The following TMEM233 variants were observed in gnomAD, a reference collection of about 807,000 sequenced individuals.
TMEM233 encodes the protein dispanin subfamily B member 2.
In TMEM233, 6 loss-of-function variants were observed where a neutral mutation model predicts 11.2. The ratio of observed to expected loss-of-function variants is 0.54; its 90% CI spans 0.29 to 1.06. The LOEUF (loss-of-function observed/expected upper bound fraction) is 1.06. TMEM233 is among the 50% of genes least tolerant of loss of function. The pLI is 0.08. For synonymous variants in TMEM233, 59 were observed against 55.8 expected, an observed-to-expected ratio of 1.06 and a Z score of -0.26; for missense variants, 127 against 144.7, an observed-to-expected ratio of 0.88 and a Z score of 0.63.
chr12:119,653,071 A>G, the TMEM233 span, among the ~76,000 whole-genome samples: 1 of 152,208 alleles, frequency 6.6e-6, no homozygotes, highest in African/African-American at 2.4e-5. Flanking sequence ...AGCCTCTGCT[A>G]TATTATCCAC....
rs573904188 is a variant in TMEM233 at position 119,630,855 on chromosome 12, A to G, written c.323+983A>G. On this transcript the variant is annotated intron_variant, in intron 2 of 2. Coordinates refer to ENST00000426426, the MANE Select transcript of TMEM233 (RefSeq NM_001136534.3). ...ATCTGCTAAATAAACTCCTACTTGC[A>G]TCAAACTAGCATAACTGTTTTAGTT... Among the ~76,000 whole-genome samples the G allele has an allele frequency of 6.6e-5, 10 of 152,364 alleles. No homozygotes were observed. The South Asian group carries it at 1.4e-3, about 22-fold the overall frequency.
intron 2 of TMEM233, among the ~76,000 whole-genome samples, chr12:119,635,799 A>G (rs1789255912): frequency 6.6e-6 from 1 of 152,212 alleles, no homozygotes; most frequent in Non-Finnish European, 1.5e-5. Context: ...AGTGGCTCAC[A>G]GAACTCAAGG....
At chr12:119,628,492 C>CTTTTT (rs60789807) in intron 1 of TMEM233, among the ~76,000 whole-genome samples, 2 of 52,444 alleles carry the variant, frequency 3.8e-5, no homozygotes, top group African/African-American at 1.7e-4. Context: ...CCAGCTCACT[C>CTTTTT]TTTTTTTTTT....
At chr12:119,597,478 AAAG>A (rs2136667596) in intron 1 of TMEM233, among the ~76,000 whole-genome samples, 1 of 152,226 alleles carries the variant, frequency 6.6e-6, no homozygotes, top group Admixed American at 6.5e-5. Flanking sequence ...GTAAAAAAAA[AAAG>A]AGCCAACAAT....
chr12:119,620,590 C>A (rs1316059128), intron 1 of TMEM233, among the ~76,000 whole-genome samples: 3 of 152,166 alleles, frequency 2.0e-5, no homozygotes, highest in Admixed American at 6.5e-5. Flanking sequence ...GAACCATACT[C>A]ACAATGTTTA....
intron 2 of TMEM233, among the ~76,000 whole-genome samples, chr12:119,630,742 C>T (rs896717789): frequency 6.6e-6 from 1 of 152,194 alleles, no homozygotes; most frequent in Admixed American, 6.5e-5. Flanking sequence ...AAATCAGTCA[C>T]GTAATCCCAC....
rs1023962604 is a variant in TMEM233 at position 119,593,801 on chromosome 12, A to G, written c.-48A>G. The G allele has an allele frequency of 6.5e-6, 10 of 1,537,450 alleles. No homozygotes were observed. The Admixed American group carries it at 1.6e-4, about 24-fold the overall frequency. On this transcript the variant is annotated 5_prime_UTR_variant, in exon 1 of 3. Coordinates refer to ENST00000426426, the MANE Select transcript of TMEM233 (RefSeq NM_001136534.3). This position sits in a 1 kb window ranked among gnomAD's most constrained non-coding sequence, Gnocchi z 4.1. ...AAGCCGGCGGCCAGAGCCCCAGACCACACAGACCGTGCGCTCCTCCGCCCT... is the reference window on the plus strand; with the variant it reads ...AAGCCGGCGGCCAGAGCCCCAGACCGCACAGACCGTGCGCTCCTCCGCCCT...
rs542053216 is a variant in TMEM233, at chr12:119,640,594, A to C, written c.324-105A>C. The C allele has an allele frequency of 3.9e-6, 5 of 1,298,228 alleles. 1 individual carries two copies. In the Admixed American group the frequency reaches 9.9e-5, roughly 26 times the overall value. 80.4% of individuals were successfully genotyped at this position (1,298,228 alleles called of 1,614,324 possible). A position where few individuals can be genotyped will look rare whatever the true frequency, so the allele number is the denominator to read the frequency against. ...GCTGGTACATTTCAACATGTGTTTA[A>C]CCAGAGTCATCATCATCAAATAAGG... is the stretch of plus-strand genomic sequence containing the variant. On this transcript the variant is annotated intron_variant, in intron 2 of 2. Coordinates refer to ENST00000426426, the MANE Select transcript of TMEM233 (RefSeq NM_001136534.3).
chr12:119,625,367 C>CTTCTTTTTTTT (rs71072545), intron 1 of TMEM233, among the ~76,000 whole-genome samples: 2 of 145,592 alleles, frequency 1.4e-5, no homozygotes, highest in Non-Finnish European at 1.5e-5. Context: ...ATAACTTCTT[C>CTTCTTTTTTTT]TTTTTTTTTT....
intron 1 of TMEM233, among the ~76,000 whole-genome samples, chr12:119,596,228 T>C (rs1954045814): frequency 6.6e-6 from 1 of 152,256 alleles, no homozygotes; most frequent in East Asian, 1.9e-4. Context: ...CCACATTCTA[T>C]CCTGCTTTAT....
intron 2 of TMEM233, among the ~76,000 whole-genome samples, chr12:119,637,767 T>C (rs1210578931): frequency 6.6e-6 from 1 of 152,158 alleles, no homozygotes; most frequent in African/African-American, 2.4e-5. Flanking sequence ...GAATTTTTGC[T>C]TGGAAAAGGA....
intron 1 of TMEM233, among the ~76,000 whole-genome samples, chr12:119,626,538 G>GGAGAAGAGAA (rs199737179): frequency 0.035 from 2,227 of 63,290 alleles, 124 homozygotes; most frequent in Admixed American, 0.054. Context: ...AAGGGAGAAG[G>GGAGAAGAGAA]GAGAAGAGAA....
rs189159667 is a variant in TMEM233, at chr12:119,638,105, C to A, written c.324-2594C>A. Among the ~76,000 whole-genome samples the A allele has an allele frequency of 1.3e-3, 204 of 152,262 alleles. 1 individual carries two copies. Among genetic ancestry groups the A allele is most frequent in the Non-Finnish European group, 7.2e-4 (49 of 68,010 alleles). On this transcript the variant is annotated intron_variant, in intron 2 of 2. Transcript: ENST00000426426. Reference sequence around the variant, plus strand: ...CCTTAGAGACAGGTGCACAGAAATGCATGTAACACAGTAATGCTTCACCCT... The same window carrying A: ...CCTTAGAGACAGGTGCACAGAAATGAATGTAACACAGTAATGCTTCACCCT...
At chr12:119,606,707 A>T (rs760332868) in intron 1 of TMEM233, among the ~76,000 whole-genome samples, 4 of 152,248 alleles carry the variant, frequency 2.6e-5, no homozygotes, top group Non-Finnish European at 4.4e-5. Flanking sequence ...GGAGTATAGT[A>T]TTTACATATT....
At chr12:119,616,924 T>C (rs1343936377) in intron 1 of TMEM233, among the ~76,000 whole-genome samples, 2 of 152,218 alleles carry the variant, frequency 1.3e-5, no homozygotes, top group Non-Finnish European at 2.9e-5. Context: ...TCTGCCATGA[T>C]TATAAGTTTC....
rs1406985619 is a variant in TMEM233, at chr12:119,593,855, C to T, written c.7C>T (p.Gln3Ter). The change falls in exon 1 of 3, where the codon CAG becomes TAG. Residue 3 changes from glutamine (Q) to a stop codon, truncating the protein, a stop_gained. Coordinates refer to ENST00000426426, the MANE Select transcript of TMEM233 (RefSeq NM_001136534.3). LOFTEE classifies it high-confidence loss of function. This position sits in a 1 kb window ranked among gnomAD's most constrained non-coding sequence, Gnocchi z 4.1. MS[Q>*]YAPSPDFKRA... is the part of the protein sequence containing the mutation. ...GGCGCCGCCGGCCTCGCCCATGTCT[C>T]AGTACGCCCCTAGCCCGGACTTCAA... The T allele has an allele frequency of 1.9e-6, 3 of 1,551,358 alleles. No homozygotes were observed. The highest frequency in any genetic ancestry group is 1.4e-5 in the African/African-American group (1 of 73,068).
intron 1 of TMEM233, among the ~76,000 whole-genome samples, chr12:119,612,491 A>T (rs1954420062): frequency 6.6e-6 from 1 of 152,112 alleles, no homozygotes; most frequent in Non-Finnish European, 1.5e-5. Context: ...GTTCATGCCT[A>T]TAATCCCAGG....
intron 1 of TMEM233, among the ~76,000 whole-genome samples, chr12:119,618,677 G>A (rs1424966236): frequency 2.0e-5 from 3 of 152,188 alleles, no homozygotes; most frequent in Admixed American, 1.3e-4. Context: ...TAGCCACTTT[G>A]TTTTGGCCAA....
chr12:119,614,824 T>C (rs1007434868), intron 1 of TMEM233, among the ~76,000 whole-genome samples: 6 of 152,178 alleles, frequency 3.9e-5, no homozygotes, highest in Non-Finnish European at 7.4e-5. Context: ...ATGATGTACA[T>C]ATAGTGGTTA....
Sources: gnomAD v4.1 joint callset for allele counts (sites outside exome capture counted in the v4.1 genomes callset) on GRCh38, gnomAD v4.1.1 for gene constraint, Gnocchi (gnomAD v3.1) non-coding constraint, MANE v1.5 for transcripts, NCBI Gene and HGNC (gene_info 2026-07-23, HGNC 2026-07-21) for gene names.